Variants in PPARGC1A observed in about 807,000 individuals in gnomAD.
The protein encoded by PPARGC1A is peroxisome proliferator-activated receptor gamma coactivator 1-alpha.
Under a neutral mutation model 88.7 loss-of-function variants are expected in PPARGC1A, and 25 were observed. That is an observed-to-expected ratio of 0.28 (90% confidence interval 0.21 to 0.39). The LOEUF is 0.39. PPARGC1A is among the 10% of genes least tolerant of loss of function. The pLI, the probability that PPARGC1A is intolerant of heterozygous loss-of-function variation, is 1.00. For synonymous variants in PPARGC1A, 363 were observed against 355.6 expected, an observed-to-expected ratio of 1.02 and a Z score of -0.24; for missense variants, 880 against 968.7, an observed-to-expected ratio of 0.91 and a Z score of 1.22.
At chr4:24,382,023 T>C in the PPARGC1A span, among the ~76,000 whole-genome samples, 2 of 152,198 alleles carry the variant, frequency 1.3e-5, no homozygotes, top group African/African-American at 2.4e-5. Flanking sequence ...TGTATTGGAA[T>C]CCACAAAAAC....
the PPARGC1A span, among the ~76,000 whole-genome samples, chr4:24,284,693 C>A: frequency 6.6e-6 from 1 of 152,174 alleles, no homozygotes; most frequent in Non-Finnish European, 1.5e-5. Context: ...TATGTCTCTG[C>A]CCTGAAGCAG....
At chr4:24,388,325 T>A in the PPARGC1A span, among the ~76,000 whole-genome samples, 35 of 152,204 alleles carry the variant, frequency 2.3e-4, no homozygotes, top group Non-Finnish European at 4.4e-4. Context: ...AAACAACAGA[T>A]GCTGGAGAGG....
the PPARGC1A span, among the ~76,000 whole-genome samples, chr4:23,982,144 T>G: frequency 1.3e-5 from 2 of 152,198 alleles, no homozygotes; most frequent in Non-Finnish European, 2.9e-5. Context: ...AGAATATGTC[T>G]TCTTCTTCCA....
chr4:24,406,023 G>A, the PPARGC1A span, among the ~76,000 whole-genome samples: 1 of 151,694 alleles, frequency 6.6e-6, no homozygotes, highest in Non-Finnish European at 1.5e-5. Flanking sequence ...TCTAAGGTTC[G>A]ATTCCTAAAT....
At chr4:24,131,714 G>T in the PPARGC1A span, among the ~76,000 whole-genome samples, 1 of 152,136 alleles carries the variant, frequency 6.6e-6, no homozygotes, top group Admixed American at 6.5e-5. Flanking sequence ...AAAATGTGAG[G>T]TATTCTAAAG....
the PPARGC1A span, among the ~76,000 whole-genome samples, chr4:24,220,146 G>A: frequency 5.9e-5 from 9 of 152,030 alleles, no homozygotes; most frequent in Non-Finnish European, 1.3e-4. Flanking sequence ...TAACCATCAG[G>A]GAGATGCAAA....
the PPARGC1A span, among the ~76,000 whole-genome samples, chr4:24,104,800 A>G: frequency 6.6e-6 from 1 of 152,222 alleles, no homozygotes; most frequent in Admixed American, 6.5e-5. Flanking sequence ...CCCTGAGGAA[A>G]AAGCCTTTTA....
chr4:23,953,859 T>C, the PPARGC1A span, among the ~76,000 whole-genome samples: 56 of 152,104 alleles, frequency 3.7e-4, no homozygotes, highest in African/African-American at 1.2e-3. Flanking sequence ...TGGAAAACAA[T>C]AGTATTCCAG....
the PPARGC1A span, among the ~76,000 whole-genome samples, chr4:23,909,278 C>T: frequency 3.3e-5 from 5 of 152,082 alleles, no homozygotes; most frequent in Non-Finnish European, 7.4e-5. Context: ...GTCATAATAG[C>T]AGCTACAATT....
chr4:24,062,741 C>T, the PPARGC1A span, among the ~76,000 whole-genome samples: 1 of 152,228 alleles, frequency 6.6e-6, no homozygotes, highest in Non-Finnish European at 1.5e-5. Flanking sequence ...TTAGCCAGAA[C>T]ACCAAGTGCT....
the PPARGC1A span, among the ~76,000 whole-genome samples, chr4:23,935,554 T>C: frequency 6.6e-6 from 1 of 152,198 alleles, no homozygotes; most frequent in Admixed American, 6.5e-5. Flanking sequence ...TAGAATACCA[T>C]GTAAATAGTG....
the PPARGC1A span, among the ~76,000 whole-genome samples, chr4:24,017,146 C>T: frequency 1.3e-5 from 2 of 152,060 alleles, no homozygotes; most frequent in African/African-American, 2.4e-5. Flanking sequence ...GAAAGGTACG[C>T]AAAGAGGTTA....
chr4:24,331,420 C>T, the PPARGC1A span, among the ~76,000 whole-genome samples: 1 of 152,180 alleles, frequency 6.6e-6, no homozygotes, highest in Admixed American at 6.5e-5. Flanking sequence ...CACTCACCAT[C>T]TCCTTATCCT....
At chr4:23,917,382 T>C in the PPARGC1A span, among the ~76,000 whole-genome samples, 154 of 151,316 alleles carry the variant, frequency 1.0e-3, 1 homozygote, top group Non-Finnish European at 1.7e-3. Context: ...CTTTCTTTTT[T>C]TTTTTTTTTT....
chr4:24,405,195 A>C, the PPARGC1A span, among the ~76,000 whole-genome samples: 5 of 152,364 alleles, frequency 3.3e-5, no homozygotes, highest in African/African-American at 1.2e-4. Context: ...ACTGAAAAGC[A>C]CTTTGAAAAC....
chr4:23,833,158 ATATT>A (rs1218573109), intron 2 of PPARGC1A, among the ~76,000 whole-genome samples: 1 of 152,190 alleles, frequency 6.6e-6, no homozygotes, highest in Admixed American at 6.5e-5. Context: ...ATAAAATATA[ATATT>A]TATTTCAGTA....
At chr4:23,880,917 TAGCTTCATTCAGA>T (rs1160308106) in intron 2 of PPARGC1A, 2 of 152,118 alleles carry the variant, frequency 1.3e-5, no homozygotes. Flanking sequence ...GAACCCCAAG[TAGCTTCATTCAGA>T]AGTAACAGAC....
chr4:24,228,828 T>C, the PPARGC1A span, among the ~76,000 whole-genome samples: 6 of 152,182 alleles, frequency 3.9e-5, no homozygotes, highest in Non-Finnish European at 1.5e-5. Flanking sequence ...TTATCAAAAG[T>C]CGATATTTAT....
At chr4:24,183,472 T>C in the PPARGC1A span, among the ~76,000 whole-genome samples, 28 of 152,180 alleles carry the variant, frequency 1.8e-4, no homozygotes, top group Non-Finnish European at 3.4e-4. Context: ...CGTTCAAAGA[T>C]GGGCCAGAAG....
Sources: gnomAD v4.1 joint callset for allele counts (sites outside exome capture counted in the v4.1 genomes callset) on GRCh38, gnomAD v4.1.1 for gene constraint, MANE v1.5 for transcripts, NCBI Gene and HGNC (gene_info 2026-07-23, HGNC 2026-07-21) for gene names.